ADH4: variants seen among roughly 807,000 people sequenced by gnomAD.
ADH4 encodes the protein all-trans-retinol dehydrogenase [NAD(+)] ADH4.
ADH4 carries 31 observed loss-of-function variants against 35.2 expected under a neutral mutation model. The ratio of observed to expected loss-of-function variants is 0.88; its 90% CI spans 0.66 to 1.19. The LOEUF (loss-of-function observed/expected upper bound fraction) is 1.19. Among genes scored for constraint, ADH4 ranks in the 50% most tolerant of loss-of-function variants. The pLI is 0.00. For missense variants in ADH4, 476 were observed against 458.3 expected (o/e 1.04, Z -0.35); for synonymous variants, 171 against 160.2 (o/e 1.07, Z -0.51).
intron 8 of ADH4, 58 bp from the exon 9 acceptor site, chr4:99,124,524 C>T: frequency 1.7e-6 from 2 of 1,147,332 alleles, no homozygotes; most frequent in South Asian, 1.5e-5. Context: ...TTAACCAAAG[C>T]TCACAAATAA....
In ADH4 at chr4:99,142,705, G is replaced by A. The variant is rs1425205844; in HGVS notation, c.94C>T (p.Pro32Ser). 2.5e-6 allele frequency: 4 copies of A among 1,600,714 alleles called. No homozygotes were observed. The highest frequency in any genetic ancestry group is 1.7e-5 in the Admixed American group (1 of 57,306). Residue 32 changes from proline (P) to serine (S), a missense_variant, in exon 2 of 9, where the codon CCC becomes TCC. Transcript: ENST00000265512. Reference sequence around the variant, plus strand: ...TGAATGCGAACTTCATGAGCCTTGGGGGGAGCTACTTCAACCTCTTCAATG... The same window carrying A: ...TGAATGCGAACTTCATGAGCCTTGGAGGGAGCTACTTCAACCTCTTCAATG... ...LCIEEVEVAP[P>S]KAHEVRIQII...
At chr4:99,137,242 C>T (rs1729469861) in intron 4 of ADH4, among the ~76,000 whole-genome samples, 1 of 152,184 alleles carries the variant, frequency 6.6e-6, no homozygotes, top group Non-Finnish European at 1.5e-5. Context: ...ACTCTCCTGC[C>T]TCAGCCTCCC....
intron 5 of ADH4, among the ~76,000 whole-genome samples, chr4:99,133,972 T>C (rs1450362777): frequency 6.6e-6 from 1 of 152,192 alleles, no homozygotes; most frequent in Non-Finnish European, 1.5e-5. Flanking sequence ...AATGGAGTAC[T>C]AATTATGCTT....
Position 99,136,666 on chromosome 4 carries a change from G to GT in ADH4, c.381dup (p.Leu128ThrfsTer41). On this transcript the variant is annotated frameshift_variant, in exon 5 of 9. Transcript: ENST00000265512. LOFTEE classifies it high-confidence loss of function. ...AACCTGCTGGTTTTGTCTTCCATTA[G>GT]TTGTTGATCACTAGCAGGACTTTTG... 6.2e-7 allele frequency: 1 copy of GT among 1,613,712 alleles called. No homozygotes were observed. Among genetic ancestry groups the GT allele is most frequent in the Non-Finnish European group, 8.5e-7 (1 of 1,179,826 alleles).
chr4:99,130,812 T>C (rs1014700728), intron 6 of ADH4, among the ~76,000 whole-genome samples: 1 of 152,150 alleles, frequency 6.6e-6, no homozygotes. Flanking sequence ...CAGGAAATTC[T>C]AACATATAGC....
At chr4:99,129,115 G>T (rs900066999) in intron 6 of ADH4, among the ~76,000 whole-genome samples, 2 of 151,400 alleles carry the variant, frequency 1.3e-5, no homozygotes, top group Admixed American at 1.3e-4. Context: ...TCTTATTAAA[G>T]AATAATTTTA....
At chr4:99,126,777 C>G (rs769307421) in intron 7 of ADH4, 45 bp from the exon 8 acceptor site, 1 of 1,544,736 alleles carries the variant, frequency 6.5e-7, no homozygotes, top group Non-Finnish European at 8.8e-7. Context: ...GCACTTGACA[C>G]GAAGTAGTTT....
rs201022290 is a variant in ADH4, at chr4:99,141,619, C to G, written c.184G>C (p.Ala62Pro). Reference protein sequence around the residue: ...TVIDSKFEGLAFPVIVGHEAA... With the variant: ...TVIDSKFEGLPFPVIVGHEAA... ...TCATGGCCAACGATCACTGGGAAAG[C>G]TAGGCCCTCAAATTTAGAATCGATA... The change falls in exon 3 of 9, where the codon GCT becomes CCT. Residue 62 changes from alanine (A) to proline (P), a missense_variant. Coordinates refer to ENST00000265512, the MANE Select transcript of ADH4 (RefSeq NM_000670.5). 52 of 1,614,100 alleles carry G rather than the reference C, an allele frequency of 3.2e-5. No homozygotes were observed. The highest frequency in any genetic ancestry group is 6.7e-5 in the East Asian group (3 of 44,870).
intron 6 of ADH4, among the ~76,000 whole-genome samples, chr4:99,130,148 T>A (rs1729227500): frequency 1.3e-5 from 2 of 152,250 alleles, no homozygotes; most frequent in Non-Finnish European, 1.5e-5. Flanking sequence ...AGTCTTTTGA[T>A]GATTTATTTG....
rs1042365 is a variant in ADH4, at chr4:99,124,349, T to G, written c.*93A>C. 639,164 of 871,058 alleles carry G rather than the reference T, an allele frequency of 0.73. 239,110 individuals carry two copies. Among genetic ancestry groups the G allele is most frequent in the East Asian group, 1 (37,951 of 38,012 alleles). The allele number at this position is 871,058 out of a possible 1,614,324, so 54.0% of individuals were successfully genotyped here. On this transcript the variant is annotated 3_prime_UTR_variant, in exon 9 of 9. Transcript: ENST00000265512. Reference sequence around the variant, plus strand: ...ATTAAATGTAAATATTTGTTTAAACTCATGGCTTTCCTTGGTTCATCAAAT... The same window carrying G: ...ATTAAATGTAAATATTTGTTTAAACGCATGGCTTTCCTTGGTTCATCAAAT...
At chr4:99,134,805 A>C (rs564222912) in intron 5 of ADH4, among the ~76,000 whole-genome samples, 1 of 151,382 alleles carries the variant, frequency 6.6e-6, no homozygotes, top group African/African-American at 2.4e-5. Flanking sequence ...TAAAATTCTC[A>C]ATGAAGAGTC....
At chr4:99,128,573 G>A (rs909708976) in intron 6 of ADH4, among the ~76,000 whole-genome samples, 1 of 152,136 alleles carries the variant, frequency 6.6e-6, no homozygotes. Flanking sequence ...TGGACTTTTT[G>A]TGTAATATAA....
At chr4:99,129,258 A>G (rs13112924) in intron 6 of ADH4, among the ~76,000 whole-genome samples, 1,666 of 152,198 alleles carry the variant, frequency 0.011, 12 homozygotes, top group Non-Finnish European at 0.017. Flanking sequence ...ATAATTTCAT[A>G]TAAAAAAGAA....
intron 3 of ADH4, 32 bp downstream of exon 3, chr4:99,141,509 C>T: frequency 6.3e-7 from 1 of 1,588,480 alleles, no homozygotes; most frequent in Non-Finnish European, 8.6e-7. Context: ...AATATTGTGA[C>T]ATTTCCATTT....
intron 5 of ADH4, 92 bp downstream of exon 5, chr4:99,136,374 C>T: frequency 9.6e-7 from 1 of 1,046,266 alleles, no homozygotes; most frequent in East Asian, 2.4e-5. Flanking sequence ...AATGACACAG[C>T]CACAGTTTGA....
At position 99,124,565 on chromosome 4, in the gene ADH4, T is replaced by C. The variant is rs56314548; in HGVS notation, c.1119-99A>G. On this transcript the variant is annotated intron_variant, in intron 8 of 8. Coordinates refer to ENST00000265512, the MANE Select transcript of ADH4 (RefSeq NM_000670.5). ...GCCTTTTCATTTCAGGATCTGGTCT[T>C]CCTTTATAGACATTCACTTTATTAA... is the stretch of plus-strand genomic sequence containing the variant. The C allele has an allele frequency of 1.2e-3, 872 of 700,500 alleles. 12 individuals carry two copies. In the East Asian group the frequency reaches 0.019, roughly 15 times the overall value. The allele number at this position is 700,500 out of a possible 1,614,324, so 43.4% of individuals were successfully genotyped here.
At chr4:99,142,577 A>G (rs775099926) in intron 2 of ADH4, 102 bp downstream of exon 2, 33 of 575,326 alleles carry the variant, frequency 5.7e-5, no homozygotes, top group Non-Finnish European at 8.7e-5. Flanking sequence ...TGTACTAGAA[A>G]CTCCAAGGCC....
chr4:99,135,310 T>A (rs1729401458), intron 5 of ADH4, among the ~76,000 whole-genome samples: 1 of 151,956 alleles, frequency 6.6e-6, no homozygotes, highest in South Asian at 2.1e-4. Context: ...ATGCCTGTAA[T>A]CCCAGCTACT....
intron 4 of ADH4, among the ~76,000 whole-genome samples, chr4:99,137,213 C>T (rs376378396): frequency 3.3e-5 from 5 of 152,090 alleles, no homozygotes; most frequent in East Asian, 3.9e-4. Context: ...ATGCAACCTC[C>T]GCCTCCTGGG....
Sources: gnomAD v4.1 joint callset for allele counts (sites outside exome capture counted in the v4.1 genomes callset) on GRCh38, gnomAD v4.1.1 for gene constraint, MANE v1.5 for transcripts, NCBI Gene and HGNC (gene_info 2026-07-23, HGNC 2026-07-21) for gene names.